Variants in RANBP2 observed in about 807,000 individuals in gnomAD.
RANBP2 encodes the protein E3 SUMO-protein ligase RanBP2.
A neutral mutation model predicts 303.6 loss-of-function variants in RANBP2; 57 were observed. That is an observed-to-expected ratio of 0.19 (90% confidence interval 0.15 to 0.23). RANBP2 has a LOEUF of 0.23. Ranked by LOEUF, RANBP2 falls within the 10% of genes least tolerant of loss-of-function variation. The pLI, the probability that RANBP2 is intolerant of heterozygous loss-of-function variation, is 1.00. For missense variants in RANBP2, 3,138 were observed against 3,780.8 expected (o/e 0.83, Z 4.46); for synonymous variants, 1,167 against 1,301.5 (o/e 0.90, Z 2.23).
the RANBP2 span, among the ~76,000 whole-genome samples, chr2:109,237,703 T>C: frequency 1.3e-5 from 2 of 152,190 alleles, no homozygotes; most frequent in African/African-American, 2.4e-5. Flanking sequence ...AGACAAAAGA[T>C]TGGACACTCC....
chr2:109,013,342 A>T, the RANBP2 span, among the ~76,000 whole-genome samples: 1 of 152,182 alleles, frequency 6.6e-6, no homozygotes, highest in Non-Finnish European at 1.5e-5. Flanking sequence ...TTGCAAAGCT[A>T]CGTTTTTATT....
At chr2:109,417,959 G>C in the RANBP2 span, among the ~76,000 whole-genome samples, 1 of 152,114 alleles carries the variant, frequency 6.6e-6, no homozygotes, top group African/African-American at 2.4e-5. Flanking sequence ...AGGCCAGTCT[G>C]GGGGCAGGGC....
chr2:108,760,230 C>T lies in RANBP2; in HGVS notation c.2602+1682C>T, dbSNP rs961181816. On this transcript the variant is annotated intron_variant, in intron 18 of 28. Transcript: ENST00000283195. Reference sequence around the variant, plus strand: ...AACTAAAAGCTAACCACCTTATTAACATTTCCTATATTTGAGAGCATTTCC... The same window carrying T: ...AACTAAAAGCTAACCACCTTATTAATATTTCCTATATTTGAGAGCATTTCC... Among the ~76,000 whole-genome samples, 6 of 152,190 alleles carry T rather than the reference C, an allele frequency of 3.9e-5. 1 individual carries two copies. The highest frequency in any genetic ancestry group is 6.5e-5 in the Admixed American group (1 of 15,270).
chr2:109,147,314 C>G, the RANBP2 span, among the ~76,000 whole-genome samples: 2 of 152,178 alleles, frequency 1.3e-5, no homozygotes, highest in Non-Finnish European at 1.5e-5. Flanking sequence ...AGAGGCACAT[C>G]AGGGAACCTC....
At chr2:109,078,096 A>ATATATATATGGCG in the RANBP2 span, among the ~76,000 whole-genome samples, 22 of 54,636 alleles carry the variant, frequency 4.0e-4, 2 homozygotes, top group African/African-American at 1.9e-3. Flanking sequence ...ATATATATAT[A>ATATATATATGGCG]TATATATATA....
intron 15 of RANBP2, 89 bp from the exon 16 acceptor site, chr2:108,754,815 TG>T: frequency 6.3e-7 from 1 of 1,590,850 alleles, no homozygotes; most frequent in South Asian, 1.1e-5. Flanking sequence ...GTGGCAAAAA[TG>T]TAAATAAGAT....
the RANBP2 span, among the ~76,000 whole-genome samples, chr2:109,170,259 CTTCTCTTCTCTTCTCTTCTCTT>C: frequency 3.3e-5 from 1 of 30,476 alleles, no homozygotes; most frequent in Non-Finnish European, 9.0e-5. Context: ...CTTCTCTTCT[CTTCTCTTCTCTTCTCTTCTCTT>C]CTCTTCTCTT....
chr2:108,733,886 CTG>C lies in RANBP2; in HGVS notation c.406-1644_406-1643del, dbSNP rs1488720291. ...GAATTGAAATCCATGAGATTTATAA[CTG>C]TCATGCAAAGTAATTCCATTTCTCC... On this transcript the variant is annotated intron_variant, in intron 4 of 28. Coordinates refer to ENST00000283195, the MANE Select transcript of RANBP2 (RefSeq NM_006267.5). Among the ~76,000 whole-genome samples, 3 of 150,906 alleles carry C rather than the reference CTG, an allele frequency of 2.0e-5. No homozygotes were observed. The East Asian group carries it at 5.8e-4, about 29-fold the overall frequency.
the RANBP2 span, among the ~76,000 whole-genome samples, chr2:108,877,602 G>GA: frequency 0.73 from 110,717 of 152,134 alleles, 43,071 homozygotes; most frequent in East Asian, 0.95. Context: ...AGTATATAGA[G>GA]ATAGTACTCA....
At chr2:108,722,472 C>T (rs915649420) in intron 1 of RANBP2, among the ~76,000 whole-genome samples, 1 of 151,614 alleles carries the variant, frequency 6.6e-6, no homozygotes, top group Non-Finnish European at 1.5e-5. Flanking sequence ...TATTCTCCCC[C>T]AGTTTGGCAG....
At chr2:109,557,312 C>T in the RANBP2 span, among the ~76,000 whole-genome samples, 11 of 152,146 alleles carry the variant, frequency 7.2e-5, no homozygotes, top group Non-Finnish European at 1.3e-4. Context: ...GAGAAGAGAC[C>T]TAACATTTGT....
the RANBP2 span, among the ~76,000 whole-genome samples, chr2:108,950,288 C>CT: frequency 9.8e-6 from 1 of 101,702 alleles, no homozygotes; most frequent in Non-Finnish European, 1.9e-5. Context: ...TCTTTTTTTT[C>CT]TTTTTTTGAC....
the RANBP2 span, among the ~76,000 whole-genome samples, chr2:109,515,339 G>T: frequency 6.6e-6 from 1 of 152,192 alleles, no homozygotes; most frequent in African/African-American, 2.4e-5. Flanking sequence ...AAGGGGGCCT[G>T]CAGGCTGGGG....
the RANBP2 span, among the ~76,000 whole-genome samples, chr2:109,487,011 A>C: frequency 6.6e-6 from 1 of 152,178 alleles, no homozygotes; most frequent in African/African-American, 2.4e-5. Context: ...GATCCCCCCA[A>C]CAGAGAGGAG....
At chr2:109,435,813 G>A in the RANBP2 span, among the ~76,000 whole-genome samples, 40 of 152,340 alleles carry the variant, frequency 2.6e-4, 1 homozygote, top group South Asian at 2.1e-3. Flanking sequence ...CTCAACAGAT[G>A]ATAGAAAATG....
chr2:108,910,343 C>T, the RANBP2 span: 3,167 of 821,100 alleles, frequency 3.9e-3, 86 homozygotes, highest in South Asian at 0.043. Context: ...TGTCGCCGAA[C>T]GTCCCCATAG....
chr2:109,510,570 C>A, the RANBP2 span, among the ~76,000 whole-genome samples: 1 of 152,358 alleles, frequency 6.6e-6, no homozygotes, highest in East Asian at 1.9e-4. Flanking sequence ...TCCATCCTCA[C>A]CCTCTGCAGC....
the RANBP2 span, among the ~76,000 whole-genome samples, chr2:109,364,189 T>A: frequency 6.6e-6 from 1 of 151,984 alleles, no homozygotes; most frequent in Non-Finnish European, 1.5e-5. Flanking sequence ...TTTTTTTCTG[T>A]TTGCTTTTCC....
the RANBP2 span, among the ~76,000 whole-genome samples, chr2:109,078,098 A>ATATATGGCG: frequency 1.7e-5 from 1 of 60,056 alleles, no homozygotes; most frequent in African/African-American, 8.6e-5. Context: ...ATATATATAT[A>ATATATGGCG]TATATATATA....
Sources: gnomAD v4.1 joint callset for allele counts (sites outside exome capture counted in the v4.1 genomes callset) on GRCh38, gnomAD v4.1.1 for gene constraint, MANE v1.5 for transcripts, NCBI Gene and HGNC (gene_info 2026-07-23, HGNC 2026-07-21) for gene names.